The following ARFGEF3 variants were observed in gnomAD, a reference collection of about 807,000 sequenced individuals.
ARFGEF3 encodes ARFGEF family member 3, also known as brefeldin A-inhibited guanine nucleotide-exchange protein 3.
ARFGEF3 carries 96 observed loss-of-function variants against 221.7 expected under a neutral mutation model. That is an observed-to-expected ratio of 0.43 (90% CI 0.37 to 0.51). The LOEUF (loss-of-function observed/expected upper bound fraction) is 0.51, where lower values mean the gene tolerates loss of function less well. Ranked by LOEUF, ARFGEF3 falls within the 20% of genes least tolerant of loss-of-function variation. The pLI is 0.00. For missense variants in ARFGEF3, 2,410 were observed against 2,789.9 expected, an observed-to-expected ratio of 0.86 and a Z score of 3.07; for synonymous variants, 1,145 against 1,126.8, an observed-to-expected ratio of 1.02 and a Z score of -0.32.
intron 14 of ARFGEF3, among the ~76,000 whole-genome samples, chr6:138,280,649 G>A (rs982255848): frequency 1.3e-5 from 2 of 152,178 alleles, no homozygotes; most frequent in Admixed American, 6.5e-5. Flanking sequence ...TCAGGAGTTC[G>A]AGACCAGCCT....
intron 12 of ARFGEF3, among the ~76,000 whole-genome samples, chr6:138,267,652 G>A (rs1415961904): frequency 6.6e-6 from 1 of 152,130 alleles, no homozygotes; most frequent in Non-Finnish European, 1.5e-5. Flanking sequence ...TGAGGCTAAA[G>A]CAGGTCTTCA....
At chr6:138,165,280 A>T (rs373631113) in intron 1 of ARFGEF3, among the ~76,000 whole-genome samples, 2 of 120,784 alleles carry the variant, frequency 1.7e-5, no homozygotes, top group African/African-American at 6.5e-5. Flanking sequence ...TGGGAGAGAG[A>T]TCATCCTTGA....
chr6:138,283,495 A>G (rs1779233916), intron 14 of ARFGEF3, among the ~76,000 whole-genome samples: 1 of 152,238 alleles, frequency 6.6e-6, no homozygotes, highest in Non-Finnish European at 1.5e-5. Context: ...ATAAGGATCT[A>G]TGATTCTTTG....
rs569914475 is a variant in ARFGEF3 at position 138,339,879 on chromosome 6, T to C, written c.*3393T>C. On this transcript the variant is annotated 3_prime_UTR_variant, in exon 34 of 34. Coordinates refer to ENST00000251691, the MANE Select transcript of ARFGEF3 (RefSeq NM_020340.5). Reference sequence around the variant, plus strand: ...GAACACCTTTATGATTTGGGGTCTATGTAATGACTGACCGATAAGAACCCA... The same window carrying C: ...GAACACCTTTATGATTTGGGGTCTACGTAATGACTGACCGATAAGAACCCA... 3.9e-4 allele frequency: 60 copies of C among 152,356 alleles called. No individual in the cohort carries two copies. Among genetic ancestry groups the C allele is most frequent in the African/African-American group, 1.4e-3 (59 of 41,586 alleles). 9.4% of individuals were successfully genotyped at this position (152,356 alleles called of 1,614,324 possible).
intron 25 of ARFGEF3, among the ~76,000 whole-genome samples, chr6:138,312,525 C>T (rs544537477): frequency 5.3e-5 from 8 of 152,142 alleles, no homozygotes; most frequent in Non-Finnish European, 8.8e-5. Flanking sequence ...GCTATAGCTA[C>T]GCTGAGCTTC....
intron 32 of ARFGEF3, among the ~76,000 whole-genome samples, chr6:138,329,493 GTC>G (rs1780182994): frequency 1.3e-5 from 2 of 151,932 alleles, no homozygotes; most frequent in East Asian, 3.9e-4. Context: ...GTGAAACCCC[GTC>G]TCTGCTAAAA....
chr6:138,229,756 T>C (rs1389168841), intron 4 of ARFGEF3, 28 bp from the exon 5 acceptor site: 1 of 1,582,072 alleles, frequency 6.3e-7, no homozygotes, highest in Non-Finnish European at 8.7e-7. Context: ...ACCCCTTGTC[T>C]CTTCTTTCAT....
intron 15 of ARFGEF3, among the ~76,000 whole-genome samples, chr6:138,286,382 G>A (rs570412716): frequency 2.0e-4 from 31 of 151,526 alleles, no homozygotes; most frequent in South Asian, 8.3e-4. Flanking sequence ...CCCGGGAGGC[G>A]GAGCTTTCAG....
chr6:138,277,142 C>G (rs1359269862), intron 12 of ARFGEF3, among the ~76,000 whole-genome samples: 1 of 152,072 alleles, frequency 6.6e-6, no homozygotes, highest in Non-Finnish European at 1.5e-5. Context: ...GGTACTCTGC[C>G]CCTGGTCCCT....
At chr6:138,289,996 G>A in intron 18 of ARFGEF3, 28 bp downstream of exon 18, 1 of 1,595,524 alleles carries the variant, frequency 6.3e-7, no homozygotes. Flanking sequence ...ACCCCCAGAT[G>A]GCACTAACCC....
rs544907539 is a variant in ARFGEF3, at chr6:138,191,239, C to T, written c.138-15803C>T. On this transcript the variant is annotated intron_variant, in intron 2 of 33. Transcript: ENST00000251691. The stretch of plus-strand genomic sequence containing the variant: ...CTGATAATTCATAGTAGTTAGGTGA[C>T]GTGGGACAAGTTACTTACCATCTCT... 8.5e-5 allele frequency among the ~76,000 whole-genome samples: 13 copies of T among 152,144 alleles called. No homozygotes were observed. In the East Asian group the frequency reaches 2.1e-3, roughly 25 times the overall value.
intron 4 of ARFGEF3, chr6:138,217,189 A>T (rs41288989): frequency 6.6e-6 from 1 of 152,256 alleles, no homozygotes; most frequent in Non-Finnish European, 1.5e-5. Flanking sequence ...AGTGTTTACT[A>T]TATTTCAAAA....
intron 32 of ARFGEF3, 88 bp downstream of exon 32, chr6:138,328,230 G>A (rs1780161018): frequency 1.4e-6 from 2 of 1,398,228 alleles, no homozygotes; most frequent in Non-Finnish European, 1.9e-6. Flanking sequence ...TCTGAGCTTT[G>A]GCCAGAAATA....
intron 1 of ARFGEF3, among the ~76,000 whole-genome samples, chr6:138,165,830 C>T (rs1044767586): frequency 6.6e-6 from 1 of 152,250 alleles, no homozygotes; most frequent in Admixed American, 6.5e-5. Flanking sequence ...GATAGGTGAT[C>T]ATCACCATAT....
rs758691173 is a variant in ARFGEF3, at chr6:138,289,936, C to G, written c.3015C>G (p.Ser1005Arg). ...TCAGCGTAGGCCTGGAGATGGGAAG[C>G]CACAACCCGGACTGCTGGCCACACG... ...AILSVGLEMG[S>R]HNPDCWPHVF... is the part of the protein sequence containing the mutation. The change falls in exon 18 of 34, where the codon AGC becomes AGG. Residue 1005 changes from serine to arginine, a missense_variant. Around this residue, in one of 5 missense-constraint regions of ARFGEF3, gnomAD observed 594 missense variants for 734.3 expected, o/e 0.81. Transcript: ENST00000251691. 18 of 1,613,328 alleles carry G rather than the reference C, an allele frequency of 1.1e-5. No individual in the cohort carries two copies. Among genetic ancestry groups the G allele is most frequent in the Non-Finnish European group, 1.4e-5 (17 of 1,179,680 alleles).
chr6:138,217,294 T>C (rs994783874), intron 4 of ARFGEF3: 12 of 152,240 alleles, frequency 7.9e-5, no homozygotes, highest in Non-Finnish European at 1.5e-4. Flanking sequence ...GGATGTTCTA[T>C]AGATCCAAAC....
intron 2 of ARFGEF3, among the ~76,000 whole-genome samples, chr6:138,192,417 G>A (rs1777322406): frequency 6.6e-6 from 1 of 152,196 alleles, no homozygotes; most frequent in African/African-American, 2.4e-5. Context: ...AACCCGGGAG[G>A]TGGAGGTTGC....
At chr6:138,225,839 A>T (rs1425141347) in intron 4 of ARFGEF3, among the ~76,000 whole-genome samples, 1 of 152,260 alleles carries the variant, frequency 6.6e-6, no homozygotes, top group Non-Finnish European at 1.5e-5. Context: ...AATAGCTACC[A>T]TGAACTACAT....
At chr6:138,171,154 G>A (rs1245746075) in intron 2 of ARFGEF3, among the ~76,000 whole-genome samples, 5 of 151,686 alleles carry the variant, frequency 3.3e-5, no homozygotes, top group South Asian at 2.1e-4. Context: ...GTGGGGACAC[G>A]TTCATATGAT....
Sources: allele counts gnomAD v4.1 joint callset (sites outside exome capture counted in the v4.1 genomes callset), GRCh38; gene constraint gnomAD v4.1.1; regional missense constraint gnomAD v4.1.1; transcripts MANE v1.5; gene names NCBI Gene and HGNC (gene_info 2026-07-23, HGNC 2026-07-21).